The following PCDH20 variants were observed in gnomAD, a reference collection of about 807,000 sequenced individuals.
PCDH20 encodes protocadherin-20.
A neutral mutation model predicts 39.7 loss-of-function variants in PCDH20; 18 were observed. The observed-to-expected ratio is 0.45, with a 90% CI of 0.31 to 0.67. PCDH20 has a LOEUF of 0.67. Among genes scored for constraint, PCDH20 ranks in the 30% least tolerant of loss-of-function variants. The pLI, the probability that PCDH20 is intolerant of heterozygous loss-of-function variation, is 0.05. For synonymous variants in PCDH20, 495 were observed against 455.4 expected (o/e 1.09, Z -1.11); for missense variants, 1,161 against 1,167.4 (o/e 0.99, Z 0.08).
exon 2 of PCDH20, chr13:61,412,226 C>G (rs1168466359): frequency 8.7e-6 from 14 of 1,614,164 alleles, no homozygotes; most frequent in Non-Finnish European, 1.1e-5. Context: ...GTGAGGGCCA[C>G]AGTGGCTACT....
chr13:61,414,188 G>T (rs1871485469), intron 1 of PCDH20, among the ~76,000 whole-genome samples: 1 of 151,702 alleles, frequency 6.6e-6, no homozygotes, highest in African/African-American at 2.4e-5. Flanking sequence ...TATCCCCTCC[G>T]CCCCCGCCTT....
exon 2 of PCDH20, chr13:61,412,207 T>A (rs1179246694): frequency 6.2e-7 from 1 of 1,614,180 alleles, no homozygotes. Context: ...GTCATTTTTA[T>A]CCAACACTGT....
rs776527838 is a variant in PCDH20, at chr13:61,413,296, C to A, written c.803G>T (p.Arg268Leu). 17 of 1,613,896 alleles carry A rather than the reference C, an allele frequency of 1.1e-5. No individual in the cohort carries two copies. Among genetic ancestry groups the A allele is most frequent in the East Asian group, 2.2e-5 (1 of 44,864 alleles). Reference sequence around the variant, plus strand: ...ACCCATGACAATTAGGTAGGGGGTGCGCTCCCCATTCTCATTCTCCTCCAC... The same window carrying A: ...ACCCATGACAATTAGGTAGGGGGTGAGCTCCCCATTCTCATTCTCCTCCAC... The change falls in exon 2 of 2, where the codon CGC (arginine) becomes CTC (leucine). Residue 268 changes from arginine to leucine, a missense_variant. Arg to Leu is a moderately radical substitution (Grantham distance 102). Coordinates refer to ENST00000409204, the Ensembl canonical transcript of PCDH20.
exon 2 of PCDH20, chr13:61,411,497 T>C (rs1214606361): frequency 6.2e-7 from 1 of 1,614,032 alleles, no homozygotes; most frequent in Non-Finnish European, 8.5e-7. Context: ...TGTGGTTCTT[T>C]CTCCTCTATA....
chr13:61,415,399 AAGACTGCG>A lies in PCDH20; in HGVS notation c.-249_-242del, dbSNP rs747758489. The A allele has an allele frequency of 2.7e-3, 1,110 of 407,486 alleles. 2 individuals are homozygous for A. The highest frequency in any genetic ancestry group is 3.9e-3 in the Non-Finnish European group (944 of 241,938). 25.2% of individuals were successfully genotyped at this position (407,486 alleles called of 1,614,324 possible). On this transcript the variant is annotated 5_prime_UTR_variant, in exon 1 of 2. Coordinates refer to ENST00000409204, the Ensembl canonical transcript of PCDH20. ...AGCTGGAATGGGGGACTTGCTCCTG[AAGACTGCG>A]AAGAGGCAGCTCGGGGTTGGGCACA...
exon 2 of PCDH20, chr13:61,411,409 C>T: frequency 6.2e-7 from 1 of 1,614,094 alleles, no homozygotes; most frequent in Non-Finnish European, 8.5e-7. Flanking sequence ...GGAACCCAAG[C>T]TTATTACAGA....
chr13:61,415,162 C>G (rs1396063799), exon 1 of PCDH20: 2 of 1,417,318 alleles, frequency 1.4e-6, no homozygotes, highest in Non-Finnish European at 1.9e-6. Context: ...CGCGCATTCC[C>G]TGGGAGGCTG....
chr13:61,413,079 T>A, exon 2 of PCDH20: 1 of 1,614,214 alleles, frequency 6.2e-7, no homozygotes, highest in Non-Finnish European at 8.5e-7. Context: ...CCTGGACAGC[T>A]GCAATTGGGG....
At chr13:61,414,953 A>G in intron 1 of PCDH20, 74 bp downstream of exon 1, 1 of 1,285,726 alleles carries the variant, frequency 7.8e-7, no homozygotes, top group Non-Finnish European at 1.0e-6. Context: ...GGTTTGAAAA[A>G]CCATCCGAGT....
rs769519444 is a variant in PCDH20, at chr13:61,413,784, C to T, written c.315G>A (p.Leu105=). 5 of 1,613,342 alleles carry T rather than the reference C, an allele frequency of 3.1e-6. No homozygotes were observed. The Admixed American group carries it at 8.3e-5, about 27-fold the overall frequency. The change falls in exon 2 of 2, where the codon CTG becomes CTA. Residue 105 remains leucine (L), a synonymous_variant. Coordinates refer to ENST00000409204, the Ensembl canonical transcript of PCDH20. The stretch of plus-strand genomic sequence containing the variant: ...TCCACTCAGCACCGGTGCGCTCTGG[C>T]AGCTGCGACTGCGGGTCCGGCCTCC...
exon 2 of PCDH20, chr13:61,411,658 T>C: frequency 6.2e-7 from 1 of 1,614,190 alleles, no homozygotes; most frequent in East Asian, 2.2e-5. Flanking sequence ...GAGCCCATAA[T>C]CTGTCTGCAG....
At chr13:61,414,339 G>T (rs1871489625) in intron 1 of PCDH20, among the ~76,000 whole-genome samples, 1 of 152,236 alleles carries the variant, frequency 6.6e-6, no homozygotes, top group South Asian at 2.1e-4. Context: ...CCCAGGGTAG[G>T]TGATGGGGAG....
upstream of PCDH20, chr13:61,415,614 G>A: frequency 6.5e-6 from 1 of 153,458 alleles, no homozygotes; most frequent in Non-Finnish European, 1.5e-5. Context: ...CGCCTGCTTT[G>A]CCAACAGTTC....
chr13:61,412,932 A>T, exon 2 of PCDH20: 1 of 1,614,182 alleles, frequency 6.2e-7, no homozygotes, highest in Non-Finnish European at 8.5e-7. Context: ...ACTCCAGAAC[A>T]CTTCCTCCAA....
exon 2 of PCDH20, chr13:61,412,343 T>C (rs146582832): frequency 7.4e-6 from 12 of 1,614,160 alleles, no homozygotes; most frequent in South Asian, 1.1e-5. Flanking sequence ...CCTGTGACAC[T>C]GTCTAAGGAA....
exon 2 of PCDH20, chr13:61,413,287 T>C (rs1566223164): frequency 6.2e-7 from 1 of 1,613,986 alleles, no homozygotes; most frequent in Non-Finnish European, 8.5e-7. Flanking sequence ...GACAATTAGG[T>C]AGGGGGTGCG....
chr13:61,413,633 C>T, exon 2 of PCDH20: 1 of 1,614,210 alleles, frequency 6.2e-7, no homozygotes, highest in Non-Finnish European at 8.5e-7. Context: ...CCTCCACCCC[C>T]TTCAACACAC....
exon 2 of PCDH20, chr13:61,413,201 G>A (rs756571619): frequency 1.2e-6 from 2 of 1,614,130 alleles, no homozygotes; most frequent in South Asian, 1.1e-5. Flanking sequence ...CTGCCCAAAA[G>A]TGGTGGAGAC....
rs769258608 is a variant in PCDH20, at chr13:61,412,759, A to G, written c.1340T>C (p.Val447Ala). ...GGTGAAAAACGCAATGGGAGTGTTA[A>G]CGGGTTCCAGTTCTTTCAGATAAAC... The change falls in exon 2 of 2, where the codon GTT becomes GCT. Residue 447 changes from valine (V) to alanine (A), a missense_variant. Coordinates refer to ENST00000409204, the Ensembl canonical transcript of PCDH20. 11 of 1,614,144 alleles carry G rather than the reference A, an allele frequency of 6.8e-6. No homozygotes were observed. In the Admixed American group the frequency reaches 1.8e-4, roughly 27 times the overall value.
Sources: gnomAD v4.1 joint callset for allele counts (sites outside exome capture counted in the v4.1 genomes callset) on GRCh38, gnomAD v4.1.1 for gene constraint, MANE v1.5 for transcripts, NCBI Gene and HGNC (gene_info 2026-07-23, HGNC 2026-07-21) for gene names.